PITPNM2: variants seen among roughly 807,000 people sequenced by gnomAD.
PITPNM2 encodes the protein phosphatidylinositol transfer protein membrane associated 2.
PITPNM2 carries 35 observed loss-of-function variants against 132.2 expected under a neutral mutation model. The observed-to-expected ratio is 0.26, with a 90% CI of 0.20 to 0.35. The LOEUF (loss-of-function observed/expected upper bound fraction) is 0.35. Ranked by LOEUF, PITPNM2 falls within the 10% of genes least tolerant of loss-of-function variation. The pLI is 1.00. For missense variants in PITPNM2, 1,332 were observed against 1,912.0 expected (o/e 0.70, Z 5.66); for synonymous variants, 738 against 799.2 (o/e 0.92, Z 1.29).
chr12:123,015,786 C>A (rs1361799077), intron 3 of PITPNM2, among the ~76,000 whole-genome samples: 1 of 152,084 alleles, frequency 6.6e-6, no homozygotes, highest in Non-Finnish European at 1.5e-5. Context: ...CTTAGTGTAT[C>A]AAAGAGCACT....
intron 2 of PITPNM2, among the ~76,000 whole-genome samples, chr12:123,044,350 G>T (rs181010193): frequency 6.6e-6 from 1 of 152,188 alleles, no homozygotes; most frequent in African/African-American, 2.4e-5. Flanking sequence ...AGTCCTTTAG[G>T]GGTGAAAGGT....
At chr12:123,007,591 T>C (rs1344649467) in intron 6 of PITPNM2, among the ~76,000 whole-genome samples, 1 of 152,118 alleles carries the variant, frequency 6.6e-6, no homozygotes, top group East Asian at 1.9e-4. Context: ...CCTTCCTTTC[T>C]AAATCCCATC....
chr12:123,009,628 G>A lies in PITPNM2; in HGVS notation c.643+222C>T, dbSNP rs375601487. ...CTTCATCCAACAACACACACTGCTTGTCTCTGCAGATGCTCAGTAAGTATT... is the reference window on the plus strand; with the variant it reads ...CTTCATCCAACAACACACACTGCTTATCTCTGCAGATGCTCAGTAAGTATT... On this transcript the variant is annotated intron_variant, in intron 6 of 25. Transcript: ENST00000320201. The surrounding 1 kb of genome is among the most constrained non-coding windows in gnomAD (Gnocchi z 4.8). Among the ~76,000 whole-genome samples the A allele has an allele frequency of 5.3e-5, 8 of 152,234 alleles. No individual in the cohort carries two copies. In the East Asian group the frequency reaches 1.5e-3, roughly 29 times the overall value.
chr12:123,048,610 C>T (rs2040749140), intron 2 of PITPNM2, among the ~76,000 whole-genome samples: 1 of 150,998 alleles, frequency 6.6e-6, no homozygotes, highest in African/African-American at 2.4e-5. Flanking sequence ...GACGGGGTTT[C>T]ACCTTGTTAG....
intron 1 of PITPNM2, among the ~76,000 whole-genome samples, chr12:123,125,071 C>T (rs898742325): frequency 3.9e-5 from 6 of 152,174 alleles, no homozygotes; most frequent in Non-Finnish European, 8.8e-5. Flanking sequence ...GATCCTCCTG[C>T]CTCAGCCTCC....
intron 2 of PITPNM2, among the ~76,000 whole-genome samples, chr12:123,038,691 T>C (rs1236559885): frequency 2.0e-5 from 3 of 151,114 alleles, no homozygotes; most frequent in Middle Eastern, 3.3e-3. Flanking sequence ...TGGGGCTCCA[T>C]TGAGTGGCTT....
intron 2 of PITPNM2, among the ~76,000 whole-genome samples, chr12:123,041,907 G>T (rs2040493265): frequency 6.6e-6 from 1 of 151,940 alleles, no homozygotes; most frequent in African/African-American, 2.4e-5. Flanking sequence ...AAGTCTTCAG[G>T]TTCCAGACCC....
intron 5 of PITPNM2, among the ~76,000 whole-genome samples, chr12:123,012,269 G>GACC (rs2136248026): frequency 6.6e-6 from 1 of 152,328 alleles, no homozygotes; most frequent in Admixed American, 6.5e-5. Flanking sequence ...AGAGGACATA[G>GACC]ACCCCATTAT....
At chr12:123,071,213 C>T (rs2041613149) in intron 2 of PITPNM2, among the ~76,000 whole-genome samples, 1 of 152,206 alleles carries the variant, frequency 6.6e-6, no homozygotes, top group Admixed American at 6.5e-5. Flanking sequence ...CGGCTCTTCT[C>T]TAAGTTGAAG....
intron 1 of PITPNM2, among the ~76,000 whole-genome samples, chr12:123,122,855 A>G (rs531139785): frequency 1.3e-5 from 2 of 152,190 alleles, no homozygotes; most frequent in Non-Finnish European, 2.9e-5. Flanking sequence ...CCAGATTTTT[A>G]TTTTACTTAA....
intron 2 of PITPNM2, among the ~76,000 whole-genome samples, chr12:123,074,664 C>T (rs1001659962): frequency 1.3e-5 from 2 of 152,124 alleles, no homozygotes; most frequent in African/African-American, 4.8e-5. Flanking sequence ...CATATGGCCT[C>T]ACAGCTCAGT....
chr12:123,026,755 G>A (rs975585796), intron 3 of PITPNM2, among the ~76,000 whole-genome samples: 6 of 152,324 alleles, frequency 3.9e-5, no homozygotes, highest in Non-Finnish European at 5.9e-5. Context: ...CATCCTGTGC[G>A]GTCTAGGGAG....
chr12:123,056,517 T>C (rs1348191535), intron 2 of PITPNM2, among the ~76,000 whole-genome samples: 1 of 152,230 alleles, frequency 6.6e-6, no homozygotes, highest in Non-Finnish European at 1.5e-5. Context: ...TTCATGGGCC[T>C]GGGTCAGGTT....
chr12:123,021,830 T>A, intron 3 of PITPNM2: 1 of 435,666 alleles, frequency 2.3e-6, no homozygotes, highest in Non-Finnish European at 3.0e-6. Context: ...TTAACCTCTA[T>A]ATGTCATCAT....
At chr12:123,018,022 TCCTTCCTTCCTTCCTCCCTC>T (rs1302901760) in intron 3 of PITPNM2, among the ~76,000 whole-genome samples, 3 of 136,112 alleles carry the variant, frequency 2.2e-5, no homozygotes, top group African/African-American at 9.5e-5. Context: ...CTTCCTTCCT[TCCTTCCTTCCTTCCTCCCTC>T]CCTCCCTCCC....
intron 3 of PITPNM2, among the ~76,000 whole-genome samples, chr12:123,015,207 C>T (rs1259622329): frequency 1.3e-5 from 2 of 152,294 alleles, no homozygotes; most frequent in East Asian, 1.9e-4. Context: ...TATGGAATTA[C>T]AGGAGACCCG....
intron 5 of PITPNM2, 73 bp downstream of exon 5, chr12:123,012,540 G>A: frequency 6.4e-7 from 1 of 1,558,770 alleles, no homozygotes; most frequent in Non-Finnish European, 8.8e-7. Flanking sequence ...TGGGGAAAAG[G>A]GGCAGGACAA....
Position 123,014,004 on chromosome 12 carries a change from G to A in PITPNM2, c.117C>T (p.Gly39=), listed in dbSNP as rs768151554. The A allele has an allele frequency of 1.5e-5, 24 of 1,614,124 alleles. No homozygotes were observed. The highest frequency in any genetic ancestry group is 2.7e-5 in the African/African-American group (2 of 74,938). Residue 39 remains glycine, a synonymous_variant, in exon 4 of 26, where the codon GGC becomes GGT. Coordinates refer to ENST00000320201, the MANE Select transcript of PITPNM2 (RefSeq NM_020845.3). ...ACGGCCGGTTCTCCAGGATCTCCAC[G>A]CCGCTGCCTTCGCCATATGTCTCGT... The part of the protein sequence containing the change: ...SRNETYGEGS[G]VEILENRPYT...
intron 2 of PITPNM2, among the ~76,000 whole-genome samples, chr12:123,070,257 G>A (rs977449597): frequency 1.3e-5 from 2 of 152,216 alleles, no homozygotes; most frequent in Admixed American, 1.3e-4. Context: ...CTATCAGACT[G>A]CAAACAGAAG....
Sources: allele counts gnomAD v4.1 joint callset (sites outside exome capture counted in the v4.1 genomes callset), GRCh38; gene constraint gnomAD v4.1.1; non-coding constraint Gnocchi (gnomAD v3.1); transcripts MANE v1.5; gene names NCBI Gene and HGNC (gene_info 2026-07-23, HGNC 2026-07-21).